SMAD3: variants seen among roughly 807,000 people sequenced by gnomAD.
SMAD3 encodes the protein SMAD family member 3.
In SMAD3, 12 loss-of-function variants were observed where a neutral mutation model predicts 51.8. The observed-to-expected ratio is 0.23, with a 90% confidence interval of 0.15 to 0.38. The LOEUF (loss-of-function observed/expected upper bound fraction) is 0.38, where lower values mean the gene tolerates loss of function less well. Among genes scored for constraint, SMAD3 ranks in the 10% least tolerant of loss-of-function variants. The pLI, the probability that SMAD3 is intolerant of heterozygous loss-of-function variation, is 1.00. For synonymous variants in SMAD3, 238 were observed against 227.7 expected (o/e 1.05, Z -0.41); for missense variants, 294 against 565.6 (o/e 0.52, Z 4.87).
At chr15:67,188,148 CTTTT>C (rs11367565) in intron 8 of SMAD3, among the ~76,000 whole-genome samples, 1 of 115,990 alleles carries the variant, frequency 8.6e-6, no homozygotes. Context: ...TTTTCTTTTT[CTTTT>C]TTTTTTTTTT....
Position 67,192,343 on chromosome 15 carries a change from TGTGA to T in SMAD3, c.*1810_*1813del. On this transcript the variant is annotated 3_prime_UTR_variant, in exon 9 of 9. Transcript: ENST00000327367. ...CGGAAGGAGCACCTTGACAGACTTGTGTGAGTCTTCTCGAAGGAGGGTTGACTCA... is the reference window on the plus strand; with the variant it reads ...CGGAAGGAGCACCTTGACAGACTTGTGTCTTCTCGAAGGAGGGTTGACTCA... The T allele has an allele frequency of 4.3e-6, 1 of 233,094 alleles. No individual in the cohort carries two copies. Among genetic ancestry groups the T allele is most frequent in the Non-Finnish European group, 8.5e-6 (1 of 117,826 alleles). The allele number at this position is 233,094 out of a possible 1,614,324, so 14.4% of individuals were successfully genotyped here.
Position 67,192,976 on chromosome 15 carries a change from T to C in SMAD3, c.*2440T>C, listed in dbSNP as rs1207247824. The C allele has an allele frequency of 4.3e-6, 1 of 232,958 alleles. No homozygotes were observed. The allele number at this position is 232,958 out of a possible 1,614,324, so 14.4% of individuals were successfully genotyped here. On this transcript the variant is annotated 3_prime_UTR_variant, in exon 9 of 9. Transcript: ENST00000327367. ...GACCACCAGAGGAGGATGTGTGGGATTGTAGGCAAACCCACCTGTGGCATC... is the reference window on the plus strand; with the variant it reads ...GACCACCAGAGGAGGATGTGTGGGACTGTAGGCAAACCCACCTGTGGCATC...
intron 1 of SMAD3, among the ~76,000 whole-genome samples, chr15:67,131,126 C>T (rs1174115591): frequency 6.6e-6 from 1 of 152,222 alleles, no homozygotes. Flanking sequence ...TGCTTTGGGC[C>T]AGAATGATTT....
chr15:67,161,636 C>G (rs1962433784), intron 1 of SMAD3, among the ~76,000 whole-genome samples: 1 of 152,336 alleles, frequency 6.6e-6, no homozygotes, highest in East Asian at 1.9e-4. Flanking sequence ...TTCCCACTCA[C>G]CACTTCCCAC....
rs1410563893 is a variant in SMAD3 at position 67,184,258 on chromosome 15, T to C, written c.872-469T>C. On this transcript the variant is annotated intron_variant, in intron 6 of 8. Coordinates refer to ENST00000327367, the MANE Select transcript of SMAD3 (RefSeq NM_005902.4). ...CTAGGACTACAAGGATATGCCACTATGCCCAGTTAATTAAAAAAAAAATGT... is the reference window on the plus strand; with the variant it reads ...CTAGGACTACAAGGATATGCCACTACGCCCAGTTAATTAAAAAAAAAATGT... Among the ~76,000 whole-genome samples the C allele has an allele frequency of 3.9e-5, 6 of 151,988 alleles. No individual in the cohort carries two copies. The South Asian group carries it at 8.3e-4, about 21-fold the overall frequency.
intron 1 of SMAD3, among the ~76,000 whole-genome samples, chr15:67,107,151 A>G (rs1960896933): frequency 6.6e-6 from 1 of 151,708 alleles, no homozygotes; most frequent in Non-Finnish European, 1.5e-5. Flanking sequence ...TACTGAGTGC[A>G]TTAAAAAAAA....
intron 1 of SMAD3, among the ~76,000 whole-genome samples, chr15:67,158,780 G>A (rs984835544): frequency 1.9e-4 from 29 of 152,230 alleles, no homozygotes; most frequent in Non-Finnish European, 7.3e-5. Context: ...AGACAGACAT[G>A]AGGACTCACT....
chr15:67,137,864 C>G, intron 1 of SMAD3: 2 of 590,120 alleles, frequency 3.4e-6, no homozygotes, highest in Non-Finnish European at 6.2e-6. Flanking sequence ...TTGCAAAGTA[C>G]TGTCCTCCCT....
chr15:67,106,031 AG>A (rs1960869917), intron 1 of SMAD3, among the ~76,000 whole-genome samples: 1 of 152,090 alleles, frequency 6.6e-6, no homozygotes, highest in Non-Finnish European at 1.5e-5. Flanking sequence ...GACATCACTG[AG>A]CCCTGTCAGT....
intron 1 of SMAD3, among the ~76,000 whole-genome samples, chr15:67,091,803 T>C (rs532174257): frequency 3.3e-5 from 5 of 152,286 alleles, no homozygotes; most frequent in South Asian, 4.1e-4. Flanking sequence ...AATCAGTGTG[T>C]CAGTCAAACG....
In SMAD3 at chr15:67,172,589, C is replaced by T. The variant is rs550294410; in HGVS notation, c.658+1985C>T. On this transcript the variant is annotated intron_variant, in intron 5 of 8. Transcript: ENST00000327367. The stretch of plus-strand genomic sequence containing the variant: ...TGAGAGTTTGCTGTTTACTGTTATT[C>T]GGAGTGCTTCCTGCATGTTAACCTG... Among the ~76,000 whole-genome samples, 24 of 152,312 alleles carry T rather than the reference C, an allele frequency of 1.6e-4. No individual in the cohort carries two copies. In the East Asian group the frequency reaches 3.7e-3, roughly 23 times the overall value.
At chr15:67,152,636 C>G (rs1962177783) in intron 1 of SMAD3, among the ~76,000 whole-genome samples, 1 of 152,168 alleles carries the variant, frequency 6.6e-6, no homozygotes, top group Non-Finnish European at 1.5e-5. Context: ...AAACATAAAC[C>G]ATTGTCAGGC....
At chr15:67,183,001 A>ATG (rs1963114027) in intron 6 of SMAD3, among the ~76,000 whole-genome samples, 3 of 47,494 alleles carry the variant, frequency 6.3e-5, no homozygotes, top group African/African-American at 3.6e-4. Context: ...AAAAAAAAAA[A>ATG]TATATATATA....
At position 67,193,447 on chromosome 15, in the gene SMAD3, G is replaced by A. The variant is rs894297790; in HGVS notation, c.*2911G>A. ...CTTTCCTCTCTCCCCTCCCCACCTC[G>A]CTTCTTCCCAATTTAGTAACTTAGA... On this transcript the variant is annotated 3_prime_UTR_variant, in exon 9 of 9. Transcript: ENST00000327367. 1.3e-5 allele frequency: 3 copies of A among 233,654 alleles called. No homozygotes were observed. The highest frequency in any genetic ancestry group is 2.5e-5 in the Non-Finnish European group (3 of 118,068). 14.5% of individuals were successfully genotyped at this position (233,654 alleles called of 1,614,324 possible). A position where few individuals can be genotyped will look rare whatever the true frequency, so the allele number is the denominator to read the frequency against.
At chr15:67,102,281 G>A (rs1219777801) in intron 1 of SMAD3, among the ~76,000 whole-genome samples, 1 of 151,914 alleles carries the variant, frequency 6.6e-6, no homozygotes, top group African/African-American at 2.4e-5. Context: ...GTGTGTGTGT[G>A]CATGCTCGCG....
chr15:67,126,908 C>T (rs1191024198), intron 1 of SMAD3, among the ~76,000 whole-genome samples: 2 of 151,986 alleles, frequency 1.3e-5, no homozygotes, highest in Non-Finnish European at 2.9e-5. Flanking sequence ...AGAAGATAGT[C>T]ACCACCCACA....
At chr15:67,165,726 G>A (rs1209774769) in intron 3 of SMAD3, among the ~76,000 whole-genome samples, 1 of 152,228 alleles carries the variant, frequency 6.6e-6, no homozygotes, top group Non-Finnish European at 1.5e-5. Context: ...CCAATAGACT[G>A]GGGGTCTGCA....
chr15:67,128,093 C>A (rs1005283461), intron 1 of SMAD3: 7 of 152,218 alleles, frequency 4.6e-5, no homozygotes, highest in Non-Finnish European at 8.8e-5. Context: ...GTGACTAACT[C>A]TGAGCTAACC....
At chr15:67,163,253 T>C (rs1203790886) in intron 1 of SMAD3, among the ~76,000 whole-genome samples, 4 of 152,266 alleles carry the variant, frequency 2.6e-5, no homozygotes, top group African/African-American at 9.6e-5. Flanking sequence ...TTGGTGATTA[T>C]TTGATTAATG....
Sources: allele counts gnomAD v4.1 joint callset (sites outside exome capture counted in the v4.1 genomes callset), GRCh38; gene constraint gnomAD v4.1.1; transcripts MANE v1.5; gene names NCBI Gene and HGNC (gene_info 2026-07-23, HGNC 2026-07-21).